BCAR3: variants seen among roughly 807,000 people sequenced by gnomAD.
The protein encoded by BCAR3 is BCAR3 adaptor protein, NSP family member.
BCAR3 carries 37 observed loss-of-function variants against 80.1 expected under a neutral mutation model. The ratio of observed to expected loss-of-function variants is 0.46; its 90% CI spans 0.36 to 0.61. BCAR3 has a LOEUF of 0.61. Ranked by LOEUF, BCAR3 falls within the 20% of genes least tolerant of loss-of-function variation. The pLI is 0.00. For synonymous variants in BCAR3, 389 were observed against 418.9 expected, an observed-to-expected ratio of 0.93 and a Z score of 0.87; for missense variants, 978 against 1,068.2, an observed-to-expected ratio of 0.92 and a Z score of 1.18.
At chr1:93,565,761 C>G (rs1672921080) in intron 11 of BCAR3, among the ~76,000 whole-genome samples, 1 of 152,176 alleles carries the variant, frequency 6.6e-6, no homozygotes. Context: ...TGCTTATACC[C>G]ACAGCAGATG....
intron 2 of BCAR3, among the ~76,000 whole-genome samples, chr1:93,757,608 C>T (rs1408465902): frequency 6.6e-6 from 1 of 152,202 alleles, no homozygotes; most frequent in Non-Finnish European, 1.5e-5. Flanking sequence ...AAAAGGCAAT[C>T]CTGCATGGGT....
chr1:93,719,728 G>A (rs1361210676), intron 2 of BCAR3, among the ~76,000 whole-genome samples: 1 of 152,132 alleles, frequency 6.6e-6, no homozygotes, highest in Non-Finnish European at 1.5e-5. Flanking sequence ...AACTGCAGTG[G>A]AGAAGTCCTT....
At chr1:93,768,514 A>C (rs1338359331) in intron 2 of BCAR3, among the ~76,000 whole-genome samples, 1 of 152,126 alleles carries the variant, frequency 6.6e-6, no homozygotes, top group African/African-American at 2.4e-5. Context: ...AAACACCATC[A>C]CCCACCCTTT....
chr1:93,658,228 C>T (rs1218557799), intron 2 of BCAR3, among the ~76,000 whole-genome samples: 1 of 152,148 alleles, frequency 6.6e-6, no homozygotes, highest in African/African-American at 2.4e-5. Flanking sequence ...CTTGAGCCAC[C>T]GCGCCCAGTC....
At chr1:93,590,585 G>C (rs1362287118) in intron 4 of BCAR3, among the ~76,000 whole-genome samples, 1 of 152,078 alleles carries the variant, frequency 6.6e-6, no homozygotes, top group Non-Finnish European at 1.5e-5. Flanking sequence ...TGATAGTATC[G>C]GTTTTATAAT....
At chr1:93,612,262 T>C (rs2101880205) in intron 3 of BCAR3, among the ~76,000 whole-genome samples, 1 of 152,220 alleles carries the variant, frequency 6.6e-6, no homozygotes, top group South Asian at 2.1e-4. Context: ...CTCTGTGCTA[T>C]GAAGACTTCG....
intron 2 of BCAR3, among the ~76,000 whole-genome samples, chr1:93,669,562 G>A (rs1648106111): frequency 6.6e-6 from 1 of 152,176 alleles, no homozygotes; most frequent in Admixed American, 6.5e-5. Flanking sequence ...TGCTCCCACA[G>A]CACAAGAGGC....
chr1:93,720,762 C>G (rs1650365137), intron 2 of BCAR3, among the ~76,000 whole-genome samples: 1 of 152,154 alleles, frequency 6.6e-6, no homozygotes. Flanking sequence ...GCCAGAGGAA[C>G]ACAGACCCAC....
intron 2 of BCAR3, among the ~76,000 whole-genome samples, chr1:93,844,177 C>T (rs1020767415): frequency 6.6e-6 from 1 of 152,084 alleles, no homozygotes; most frequent in African/African-American, 2.4e-5. Context: ...TGTGGTGGCA[C>T]GTGCCTGTAA....
chr1:93,702,252 A>G (rs75437399), intron 3 of BCAR3, among the ~76,000 whole-genome samples: 8,024 of 152,160 alleles, frequency 0.053, 697 homozygotes, highest in African/African-American at 0.18. Context: ...CAGGTCTGAT[A>G]TTATGGGAAG....
intron 2 of BCAR3, among the ~76,000 whole-genome samples, chr1:93,815,502 G>A (rs1653984227): frequency 6.6e-6 from 1 of 152,176 alleles, no homozygotes; most frequent in Non-Finnish European, 1.5e-5. Context: ...GGGGATTGAT[G>A]ACTCAGTAAA....
At chr1:93,564,530 AG>A (rs1406484841) in intron 11 of BCAR3, among the ~76,000 whole-genome samples, 1 of 151,764 alleles carries the variant, frequency 6.6e-6, no homozygotes, top group Non-Finnish European at 1.5e-5. Flanking sequence ...CGCCTGCCTC[AG>A]CCTCCCAAAA....
intron 2 of BCAR3, among the ~76,000 whole-genome samples, chr1:93,828,445 T>C (rs1356652830): frequency 1.3e-5 from 2 of 152,132 alleles, no homozygotes; most frequent in Non-Finnish European, 2.9e-5. Context: ...CATAAATAAA[T>C]TCCCTGACCT....
intron 2 of BCAR3, among the ~76,000 whole-genome samples, chr1:93,658,959 T>C (rs1647523110): frequency 1.3e-5 from 2 of 152,132 alleles, no homozygotes; most frequent in African/African-American, 2.4e-5. Context: ...AACCAACCCA[T>C]GCACCAGGGT....
Position 93,570,642 on chromosome 1 carries a change from G to A in BCAR3, c.1974+1028C>T, listed in dbSNP as rs556720714. Among the ~76,000 whole-genome samples the A allele has an allele frequency of 2.6e-5, 4 of 152,310 alleles. No homozygotes were observed. In the South Asian group the frequency reaches 8.3e-4, roughly 32 times the overall value. On this transcript the variant is annotated intron_variant, in intron 9 of 11. Transcript: ENST00000260502. ...GACCAGGAATCCGAACTTTTTAATA[G>A]GACAGTCTGTTTTAGGTGACCTGAG...
At position 93,687,496 on chromosome 1, in the gene BCAR3, G is replaced by A. The variant is rs374046771; in HGVS notation, c.-11-12555C>T. Among the ~76,000 whole-genome samples the A allele has an allele frequency of 8.5e-5, 13 of 152,090 alleles. No homozygotes were observed. In the South Asian group the frequency reaches 1.9e-3, roughly 22 times the overall value. ...CTAATTTTTGTATTTTTGTAGAGAC[G>A]GGATTTCGCCATGTTGGCCAGGCTG... On this transcript the variant is annotated intron_variant, in intron 3 of 13. Transcript: ENST00000370244.
At chr1:93,598,315 C>T (rs745573827) in intron 3 of BCAR3, among the ~76,000 whole-genome samples, 1 of 152,138 alleles carries the variant, frequency 6.6e-6, no homozygotes, top group African/African-American at 2.4e-5. Flanking sequence ...GACACTCATT[C>T]GCATGTAGGA....
intron 2 of BCAR3, among the ~76,000 whole-genome samples, chr1:93,744,789 C>T (rs575848029): frequency 7.7e-4 from 117 of 152,292 alleles, no homozygotes; most frequent in African/African-American, 2.7e-3. Context: ...CTCAGTCAAA[C>T]GCAATGGGTT....
chr1:93,654,964 C>T (rs12565999), intron 2 of BCAR3, among the ~76,000 whole-genome samples: 4,236 of 152,326 alleles, frequency 0.028, 92 homozygotes, highest in East Asian at 0.081. Context: ...GGAATACAAC[C>T]CTCCAAGGGT....
Sources: allele counts gnomAD v4.1 joint callset (sites outside exome capture counted in the v4.1 genomes callset), GRCh38; gene constraint gnomAD v4.1.1; transcripts MANE v1.5; gene names NCBI Gene and HGNC (gene_info 2026-07-23, HGNC 2026-07-21).